Variants in ANKRD12 observed in about 807,000 individuals in gnomAD.
ANKRD12 encodes the protein ankyrin repeat domain-containing protein 12.
A neutral mutation model predicts 183.4 loss-of-function variants in ANKRD12; 85 were observed. The observed-to-expected ratio is 0.46, with a 90% CI of 0.39 to 0.56. The LOEUF is 0.56. Among genes scored for constraint, ANKRD12 ranks in the 20% least tolerant of loss-of-function variants. The pLI is 0.00. For synonymous variants in ANKRD12, 914 were observed against 800.2 expected (o/e 1.14, Z -2.40); for missense variants, 2,405 against 2,357.1 (o/e 1.02, Z -0.42).
At chr18:9,191,793 C>G (rs565437251) in intron 2 of ANKRD12, among the ~76,000 whole-genome samples, 58 of 152,228 alleles carry the variant, frequency 3.8e-4, no homozygotes, top group Non-Finnish European at 7.5e-4. Context: ...ACCCCACATC[C>G]AAACCCCCAA....
intron 1 of ANKRD12, among the ~76,000 whole-genome samples, chr18:9,161,583 GA>G (rs1477660538): frequency 6.6e-6 from 1 of 151,882 alleles, no homozygotes; most frequent in East Asian, 1.9e-4. Context: ...CACCGAGTTA[GA>G]CCAGGATGGT....
intron 8 of ANKRD12, among the ~76,000 whole-genome samples, 189 bp downstream of exon 8, chr18:9,222,188 G>A (rs989629820): frequency 2.0e-5 from 3 of 152,152 alleles, no homozygotes; most frequent in African/African-American, 7.2e-5. Context: ...TATACCCTGT[G>A]TGAATGAAGT....
chr18:9,177,970 G>T (rs910180066), intron 1 of ANKRD12, among the ~76,000 whole-genome samples: 1 of 151,242 alleles, frequency 6.6e-6, no homozygotes, highest in African/African-American at 2.4e-5. Flanking sequence ...ATTCATAAGA[G>T]TTATTTATAT....
chr18:9,191,566 T>G (rs940828247), intron 2 of ANKRD12, among the ~76,000 whole-genome samples: 2 of 152,200 alleles, frequency 1.3e-5, no homozygotes, highest in East Asian at 3.8e-4. Context: ...CTTAAATCTT[T>G]TATTCGTAAC....
At chr18:9,181,275 A>G (rs1438989322) in intron 1 of ANKRD12, among the ~76,000 whole-genome samples, 2 of 152,152 alleles carry the variant, frequency 1.3e-5, no homozygotes, top group Non-Finnish European at 2.9e-5. Context: ...CAGTTTATTT[A>G]AGGGATTTTT....
At chr18:9,246,483 T>G (rs2037970192) in intron 8 of ANKRD12, among the ~76,000 whole-genome samples, 1 of 152,186 alleles carries the variant, frequency 6.6e-6, no homozygotes, top group African/African-American at 2.4e-5. Context: ...TATATTTCCA[T>G]TATTTATTTG....
At chr18:9,160,057 C>T (rs953545389) in intron 1 of ANKRD12, among the ~76,000 whole-genome samples, 1 of 152,002 alleles carries the variant, frequency 6.6e-6, no homozygotes. Context: ...ATCACTTGAG[C>T]TCAGGAGTTT....
rs1479551862 is a variant in ANKRD12, at chr18:9,284,110, G to C, written c.*2984G>C. ...TACATAAGTTTAAAAATATTTTATT[G>C]CTAAAAATGGTAACAAAGTGAGCAC... On this transcript the variant is annotated 3_prime_UTR_variant, in exon 13 of 13. Transcript: ENST00000262126. 1.3e-5 allele frequency: 2 copies of C among 152,144 alleles called. No individual in the cohort carries two copies. The highest frequency in any genetic ancestry group is 4.8e-5 in the African/African-American group (2 of 41,430). 9.4% of individuals were successfully genotyped at this position (152,144 alleles called of 1,614,324 possible). A position where few individuals can be genotyped will look rare whatever the true frequency, so the allele number is the denominator to read the frequency against.
At chr18:9,201,594 TAGAA>T (rs1449125471) in intron 3 of ANKRD12, among the ~76,000 whole-genome samples, 1 of 152,186 alleles carries the variant, frequency 6.6e-6, no homozygotes, top group South Asian at 2.1e-4. Context: ...TATACCTAGT[TAGAA>T]AGCCTCCAGC....
chr18:9,241,713 T>C (rs1282612577), intron 8 of ANKRD12, among the ~76,000 whole-genome samples: 1 of 152,200 alleles, frequency 6.6e-6, no homozygotes, highest in Non-Finnish European at 1.5e-5. Flanking sequence ...CCTCCTCTGC[T>C]TTCTAACGTA....
intron 1 of ANKRD12, among the ~76,000 whole-genome samples, chr18:9,148,356 C>G (rs976711230): frequency 6.6e-6 from 1 of 151,876 alleles, no homozygotes; most frequent in South Asian, 2.1e-4. Flanking sequence ...GTATAAGATA[C>G]CCTAGGCAAA....
At chr18:9,212,858 C>G (rs1319012576) in intron 6 of ANKRD12, among the ~76,000 whole-genome samples, 2 of 151,826 alleles carry the variant, frequency 1.3e-5, no homozygotes, top group African/African-American at 4.8e-5. Flanking sequence ...GTAAACATTT[C>G]TTATGTTTAT....
At chr18:9,214,052 A>T (rs1275224227) in intron 6 of ANKRD12, among the ~76,000 whole-genome samples, 1 of 151,644 alleles carries the variant, frequency 6.6e-6, no homozygotes, top group Non-Finnish European at 1.5e-5. Flanking sequence ...GTGTAGGTCT[A>T]CTTATATGTG....
intron 1 of ANKRD12, among the ~76,000 whole-genome samples, chr18:9,169,186 A>G (rs955108306): frequency 1.3e-5 from 2 of 152,172 alleles, no homozygotes; most frequent in Non-Finnish European, 1.5e-5. Context: ...AAGAATGTAT[A>G]TGCTGTTGAT....
intron 1 of ANKRD12, among the ~76,000 whole-genome samples, chr18:9,171,541 T>C (rs1409988956): frequency 6.6e-6 from 1 of 152,164 alleles, no homozygotes; most frequent in African/African-American, 2.4e-5. Context: ...TGTACTTCAG[T>C]GTGTTTTGTA....
At chr18:9,216,939 A>G (rs776861281) in intron 7 of ANKRD12, 39 bp downstream of exon 7, 3 of 1,590,174 alleles carry the variant, frequency 1.9e-6, no homozygotes, top group African/African-American at 2.7e-5. Flanking sequence ...ACACATTTGC[A>G]AAATATAAAT....
intron 4 of ANKRD12, among the ~76,000 whole-genome samples, chr18:9,207,476 G>A (rs896275302): frequency 6.6e-6 from 1 of 151,852 alleles, no homozygotes; most frequent in African/African-American, 2.4e-5. Flanking sequence ...CAGCCATAAA[G>A]GTGACAGAGT....
intron 8 of ANKRD12, among the ~76,000 whole-genome samples, chr18:9,224,445 G>A (rs1275852554): frequency 6.6e-6 from 1 of 152,044 alleles, no homozygotes; most frequent in Non-Finnish European, 1.5e-5. Context: ...GATACTTTGA[G>A]AAGGGAAGAC....
At position 9,258,149 on chromosome 18, in the gene ANKRD12, G is replaced by A; in HGVS notation, c.4882G>A (p.Val1628Ile). 1 of 1,613,750 alleles carries A rather than the reference G, an allele frequency of 6.2e-7. No individual in the cohort carries two copies. The highest frequency in any genetic ancestry group is 8.5e-7 in the Non-Finnish European group (1 of 1,179,980). The change falls in exon 9 of 13, where the codon GTC becomes ATC. Residue 1628 changes from valine to isoleucine, a missense_variant. By Grantham distance (29) the Val-to-Ile change is conservative (BLOSUM62 3). Coordinates refer to ENST00000262126, the MANE Select transcript of ANKRD12 (RefSeq NM_015208.5). ...TGAGAATAGCACAACTGATACTCAG[G>A]TCATTTCACATGAAAAAGAAAACAA... is the stretch of plus-strand genomic sequence containing the variant. ...EVENSTTDTQ[V>I]ISHEKENKLE...
Sources: gnomAD v4.1 joint callset for allele counts (sites outside exome capture counted in the v4.1 genomes callset) on GRCh38, gnomAD v4.1.1 for gene constraint, MANE v1.5 for transcripts, NCBI Gene and HGNC (gene_info 2026-07-23, HGNC 2026-07-21) for gene names.